The following CHID1 variants were observed in gnomAD, a reference collection of about 807,000 sequenced individuals.
CHID1 encodes the protein chitinase domain containing 1, also known as chitinase domain-containing protein 1.
A neutral mutation model predicts 55.4 loss-of-function variants in CHID1; 44 were observed. The ratio of observed to expected loss-of-function variants is 0.79; its 90% CI spans 0.62 to 1.02. The LOEUF is 1.02. Ranked by LOEUF, CHID1 falls within the 50% of genes least tolerant of loss-of-function variation. The pLI is 0.00. For missense variants in CHID1, 491 were observed against 515.3 expected (o/e 0.95, Z 0.46); for synonymous variants, 216 against 212.9 (o/e 1.01, Z -0.13).
At chr11:870,758 G>A (rs1337801322) in intron 10 of CHID1, 2 of 452,868 alleles carry the variant, frequency 4.4e-6, no homozygotes, top group Admixed American at 3.5e-5. Flanking sequence ...TCAGTGGCCT[G>A]GAGAGTGACA....
At chr11:915,060 A>G (rs1325440148), upstream of CHID1, 1 of 156,188 alleles carries the variant, frequency 6.4e-6, no homozygotes, top group Non-Finnish European at 1.4e-5. Context: ...ACACACCAGC[A>G]CTCCCTGCTG....
At chr11:870,097 TC>T in intron 12 of CHID1, 23 bp downstream of exon 12, 1 of 1,609,474 alleles carries the variant, frequency 6.2e-7, no homozygotes, top group Non-Finnish European at 8.5e-7. Context: ...CCTCCCCCGG[TC>T]CCACGGCTGG....
chr11:904,881 T>C (rs2134348583), intron 1 of CHID1, 22 bp from the exon 2 acceptor site: 1 of 1,610,078 alleles, frequency 6.2e-7, no homozygotes, highest in Middle Eastern at 1.7e-4. Context: ...GCAGAGCACA[T>C]TCAAACAACC....
intron 5 of CHID1, 26 bp from the exon 6 acceptor site, chr11:900,136 G>A (rs1366045533): frequency 1.9e-6 from 3 of 1,574,786 alleles, no homozygotes; most frequent in East Asian, 2.2e-5. Flanking sequence ...ACACACACGG[G>A]GGCCGTGACT....
At chr11:896,725 C>T (rs1268503169) in intron 7 of CHID1, among the ~76,000 whole-genome samples, 2 of 134,434 alleles carry the variant, frequency 1.5e-5, no homozygotes, top group Admixed American at 7.3e-5. Flanking sequence ...CCACCCCAGA[C>T]GTGAGGCTGT....
At chr11:899,462 CAAG>C in intron 6 of CHID1, 61 bp from the exon 7 acceptor site, 1 of 1,491,002 alleles carries the variant, frequency 6.7e-7, no homozygotes, top group East Asian at 2.4e-5. Flanking sequence ...GGTGGAAAGA[CAAG>C]AAGCCCGCCA....
chr11:883,746 T>A (rs1850176628), intron 9 of CHID1, among the ~76,000 whole-genome samples: 1 of 152,238 alleles, frequency 6.6e-6, no homozygotes, highest in African/African-American at 2.4e-5. Context: ...CCTGCGCCTG[T>A]GTCACACGGC....
chr11:872,863 C>T (rs1849266427), intron 10 of CHID1, among the ~76,000 whole-genome samples: 1 of 152,146 alleles, frequency 6.6e-6, no homozygotes, highest in African/African-American at 2.4e-5. Flanking sequence ...TCCTGGGGGG[C>T]CTCTGTGGTC....
intron 10 of CHID1, among the ~76,000 whole-genome samples, chr11:881,937 G>A (rs1445928939): frequency 1.3e-5 from 2 of 151,230 alleles, no homozygotes; most frequent in South Asian, 2.1e-4. Context: ...CCAGGAGGTT[G>A]AGGCTGCAGT....
intron 1 of CHID1, among the ~76,000 whole-genome samples, chr11:909,504 A>G (rs1852485018): frequency 6.6e-6 from 1 of 152,204 alleles, no homozygotes; most frequent in Non-Finnish European, 1.5e-5. Context: ...GTTGATGGAA[A>G]TGATGGGAGT....
chr11:882,704 C>G (rs752265924), intron 10 of CHID1, among the ~76,000 whole-genome samples: 2 of 152,204 alleles, frequency 1.3e-5, no homozygotes, highest in African/African-American at 4.8e-5. Context: ...CAGAATTCTA[C>G]AGCCAGGAAA....
At chr11:893,832 C>T (rs1851036476) in intron 7 of CHID1, among the ~76,000 whole-genome samples, 1 of 150,290 alleles carries the variant, frequency 6.7e-6, no homozygotes, top group Non-Finnish European at 1.5e-5. Context: ...AAAGACATGG[C>T]AGATTAAAAA....
chr11:904,806 A>T lies in CHID1; in HGVS notation c.11T>A (p.Leu4His), dbSNP rs764219285. MRT[L>H]FNLLWLALAC... ...CAGGGCAAGCCAGAGGAGGTTGAAG[A>T]GTGTCCGCATGGTAGGTGTGTCACA... is the stretch of plus-strand genomic sequence containing the variant. Residue 4 changes from leucine (L) to histidine (H), a missense_variant, in exon 2 of 13, where the codon CTC becomes CAC. Coordinates refer to ENST00000323578, the MANE Select transcript of CHID1 (RefSeq NM_023947.4). 1.2e-6 allele frequency: 2 copies of T among 1,613,876 alleles called. No homozygotes were observed. Among genetic ancestry groups the T allele is most frequent in the Non-Finnish European group, 1.7e-6 (2 of 1,180,004 alleles).
intron 1 of CHID1, among the ~76,000 whole-genome samples, chr11:907,070 T>C (rs1003882980): frequency 1.3e-5 from 2 of 152,196 alleles, no homozygotes; most frequent in Admixed American, 1.3e-4. Context: ...GAGCAGGCTA[T>C]CTGGAATTAC....
chr11:896,494 C>T (rs1851306556), intron 7 of CHID1, among the ~76,000 whole-genome samples: 1 of 128,294 alleles, frequency 7.8e-6, no homozygotes. Flanking sequence ...CCACCCCAGA[C>T]ATGAGGCTGT....
At chr11:882,880 G>A (rs528162110) in intron 10 of CHID1, 7 of 406,726 alleles carry the variant, frequency 1.7e-5, no homozygotes, top group Non-Finnish European at 2.2e-5. Context: ...CAAGGCTGAC[G>A]GGTGGGGGAA....
chr11:909,122 G>T (rs542419777), intron 1 of CHID1, among the ~76,000 whole-genome samples: 2 of 152,304 alleles, frequency 1.3e-5, no homozygotes, highest in East Asian at 1.9e-4. Flanking sequence ...TGATGTGTGA[G>T]GGGTGCTCAC....
At chr11:899,947 G>A (rs925979043) in intron 6 of CHID1, 57 bp downstream of exon 6, 5 of 1,348,284 alleles carry the variant, frequency 3.7e-6, no homozygotes, top group East Asian at 2.3e-5. Context: ...CCAGCCAGAC[G>A]GCCAGGTGGG....
At chr11:903,341 A>G (rs1024240550) in intron 2 of CHID1, among the ~76,000 whole-genome samples, 5 of 152,034 alleles carry the variant, frequency 3.3e-5, no homozygotes, top group African/African-American at 1.2e-4. Flanking sequence ...GGCCTTTCCC[A>G]CCCTTGCTCC....
Sources: gnomAD v4.1 joint callset for allele counts (sites outside exome capture counted in the v4.1 genomes callset) on GRCh38, gnomAD v4.1.1 for gene constraint, MANE v1.5 for transcripts, NCBI Gene and HGNC (gene_info 2026-07-23, HGNC 2026-07-21) for gene names.